Variants in SLC6A12 observed in about 807,000 individuals in gnomAD.
SLC6A12 encodes solute carrier family 6 member 12, also known as sodium- and chloride-dependent betaine transporter.
SLC6A12 carries 50 observed loss-of-function variants against 73.3 expected under a neutral mutation model. The ratio of observed to expected loss-of-function variants is 0.68; its 90% CI spans 0.54 to 0.86. SLC6A12 has a LOEUF of 0.86. SLC6A12 is among the 40% of genes least tolerant of loss of function. The pLI is 0.00. For synonymous variants in SLC6A12, 304 were observed against 309.2 expected (o/e 0.98, Z 0.18); for missense variants, 648 against 772.8 (o/e 0.84, Z 1.92).
Position 191,088 on chromosome 12 carries a change from C to T in SLC6A12, c.1825G>A (p.Glu609Lys), listed in dbSNP as rs1439695040. The change falls in exon 16 of 16, where the codon GAG becomes AAG. Residue 609 changes from glutamate to lysine, a missense_variant. Transcript: ENST00000684302. ...SPTREGLIAGEKETHL is the reference protein window; with the variant it reads ...SPTREGLIAGKKETHL ...ACACCCTACAAATGGGTCTCCTTCT[C>T]CCCGGCTATCAGTCCTTCCCTTGTT... The T allele has an allele frequency of 1.5e-6, 2 of 1,334,222 alleles. No individual in the cohort carries two copies. Among genetic ancestry groups the T allele is most frequent in the African/African-American group, 3.0e-5 (2 of 66,842 alleles). 82.6% of individuals were successfully genotyped at this position (1,334,222 alleles called of 1,614,324 possible). A position where few individuals can be genotyped will look rare whatever the true frequency, so the allele number is the denominator to read the frequency against.
At position 210,019 on chromosome 12, in the gene SLC6A12, T is replaced by C. The variant is rs1404894780; in HGVS notation, c.-33A>G. 1 of 1,609,618 alleles carries C rather than the reference T, an allele frequency of 6.2e-7. No individual in the cohort carries two copies. The highest frequency in any genetic ancestry group is 8.5e-7 in the Non-Finnish European group (1 of 1,176,628). On this transcript the variant is annotated 5_prime_UTR_variant, in exon 3 of 16. Transcript: ENST00000684302. ...TGGTGGGTTGGGAAGCCCCGCTGGG[T>C]GGGCAGGATGACGAGGGCCAAAGCC...
chr12:186,531 T>G (rs111947809), downstream of SLC6A12, among the ~76,000 whole-genome samples: 612 of 152,336 alleles, frequency 4.0e-3, 3 homozygotes, highest in Non-Finnish European at 5.8e-3. Flanking sequence ...GTAGTCCCTG[T>G]GTCAGCCAGG....
chr12:187,688 G>C (rs1179994471), downstream of SLC6A12, among the ~76,000 whole-genome samples: 1 of 143,532 alleles, frequency 7.0e-6, no homozygotes, highest in Non-Finnish European at 1.5e-5. Flanking sequence ...GTTACCACTA[G>C]GGCCTCCGGC....
At chr12:188,711 G>A (rs2137094122), downstream of SLC6A12, among the ~76,000 whole-genome samples, 1 of 152,180 alleles carries the variant, frequency 6.6e-6, no homozygotes, top group South Asian at 2.1e-4. Flanking sequence ...GTGAACTCAT[G>A]TGCACACACA....
At chr12:195,070 G>A (rs115070024) in intron 13 of SLC6A12, among the ~76,000 whole-genome samples, 155 bp downstream of exon 13, 1,590 of 152,280 alleles carry the variant, frequency 0.01, 26 homozygotes, top group African/African-American at 0.036. Flanking sequence ...CCCAGCCACG[G>A]GTAAATTTCC....
chr12:192,793 AG>A (rs982298617), intron 14 of SLC6A12, 145 bp from the exon 15 acceptor site: 1 of 721,972 alleles, frequency 1.4e-6, no homozygotes, highest in Non-Finnish European at 2.3e-6. Flanking sequence ...TGCAAATCCC[AG>A]GCCAAGGCAT....
In SLC6A12 at chr12:198,046, C is replaced by T. The variant is rs1456607032; in HGVS notation, c.847-43G>A. On this transcript the variant is annotated intron_variant, in intron 8 of 15. Transcript: ENST00000684302. This position sits in a 1 kb window ranked among gnomAD's most constrained non-coding sequence, Gnocchi z 4.0. The stretch of plus-strand genomic sequence containing the variant: ...AAAGAGGTAGAGGCAGCCCCCAGGG[C>T]CCAGAGCCAGGGTGACCCGAGATCC... 6.4e-7 allele frequency: 1 copy of T among 1,553,000 alleles called. No homozygotes were observed. Among genetic ancestry groups the T allele is most frequent in the Admixed American group, 1.7e-5 (1 of 59,750 alleles).
Position 198,139 on chromosome 12 carries a change from A to C in SLC6A12, c.847-136T>G. On this transcript the variant is annotated intron_variant, in intron 8 of 15. Transcript: ENST00000684302. This position sits in a 1 kb window ranked among gnomAD's most constrained non-coding sequence, Gnocchi z 4.0. ...CTGAGCGCTTCCCTCCTGCATCCCA[A>C]CTCTCCGTGAGTGCGCCCTCCGGTC... 3.0e-6 allele frequency: 2 copies of C among 657,080 alleles called. No homozygotes were observed. The highest frequency in any genetic ancestry group is 5.4e-6 in the Non-Finnish European group (2 of 373,070). 40.7% of individuals were successfully genotyped at this position (657,080 alleles called of 1,614,324 possible). A position where few individuals can be genotyped will look rare whatever the true frequency, so the allele number is the denominator to read the frequency against.
At chr12:187,526 T>TA (rs1445669862), downstream of SLC6A12, among the ~76,000 whole-genome samples, 1 of 143,402 alleles carries the variant, frequency 7.0e-6, no homozygotes, top group Non-Finnish European at 1.5e-5. Context: ...CAATGAGTGT[T>TA]ACACCTCATA....
At chr12:197,635 C>G in intron 9 of SLC6A12, 134 bp from the exon 10 acceptor site, 1 of 940,440 alleles carries the variant, frequency 1.1e-6, no homozygotes, top group Admixed American at 2.9e-5. Context: ...AAGGGAGGCA[C>G]AGAGGAGGGG....
intron 5 of SLC6A12, among the ~76,000 whole-genome samples, chr12:202,129 G>A (rs73038035): frequency 0.02 from 2,970 of 152,184 alleles, 43 homozygotes; most frequent in Middle Eastern, 0.085. Flanking sequence ...CGGCTGGTAC[G>A]GAATGCACTC....
chr12:185,513 T>C (rs147496218), downstream of SLC6A12, among the ~76,000 whole-genome samples: 61 of 152,322 alleles, frequency 4.0e-4, no homozygotes, highest in East Asian at 8.1e-3. Context: ...TGAGATGTGC[T>C]TGGGCAGAAA....
chr12:201,931 A>C (rs1940290793), intron 5 of SLC6A12, 82 bp from the exon 6 acceptor site: 7 of 1,217,848 alleles, frequency 5.7e-6, no homozygotes, highest in Non-Finnish European at 7.3e-6. Flanking sequence ...CTTGCAGCCT[A>C]GTGGTCCTCA....
intron 5 of SLC6A12, 86 bp from the exon 6 acceptor site, chr12:201,935 G>T (rs181263847): frequency 8.7e-7 from 1 of 1,150,450 alleles, no homozygotes; most frequent in Non-Finnish European, 1.3e-6. Context: ...CAGCCTAGTG[G>T]TCCTCACCAC....
intron 11 of SLC6A12, 148 bp downstream of exon 11, chr12:196,622 C>T (rs368920899): frequency 4.5e-6 from 3 of 663,976 alleles, no homozygotes; most frequent in South Asian, 3.6e-5. Context: ...CAGGCCACAC[C>T]CCCAACCCCA....
chr12:199,098 T>C (rs1452883698), intron 7 of SLC6A12, 167 bp from the exon 8 acceptor site: 4 of 368,482 alleles, frequency 1.1e-5, no homozygotes, highest in Non-Finnish European at 2.1e-5. Flanking sequence ...CACATTCCAG[T>C]GGGTCTGTGC....
At chr12:200,163 C>T (rs939835661) in intron 7 of SLC6A12, among the ~76,000 whole-genome samples, 1 of 138,174 alleles carries the variant, frequency 7.2e-6, no homozygotes, top group Non-Finnish European at 1.5e-5. Context: ...GGCTGGAGTG[C>T]AGTGGCGCTA....
intron 7 of SLC6A12, among the ~76,000 whole-genome samples, chr12:200,071 T>C: frequency 6.6e-6 from 1 of 150,604 alleles, no homozygotes. Context: ...GCTCCAACAA[T>C]GAGATTTTTC....
intron 1 of SLC6A12, among the ~76,000 whole-genome samples, chr12:212,779 G>C (rs1159749458): frequency 6.6e-6 from 1 of 152,130 alleles, no homozygotes; most frequent in East Asian, 1.9e-4. Context: ...AAAAGGCAAA[G>C]GACTACACAC....
Sources: gnomAD v4.1 joint callset for allele counts (sites outside exome capture counted in the v4.1 genomes callset) on GRCh38, gnomAD v4.1.1 for gene constraint, Gnocchi (gnomAD v3.1) non-coding constraint, MANE v1.5 for transcripts, NCBI Gene and HGNC (gene_info 2026-07-23, HGNC 2026-07-21) for gene names.